AURKA: variants seen among roughly 807,000 people sequenced by gnomAD.
AURKA encodes aurora 2.
A neutral mutation model predicts 40.9 loss-of-function variants in AURKA; 12 were observed. The ratio of observed to expected loss-of-function variants is 0.29; its 90% CI spans 0.19 to 0.48. AURKA has a LOEUF of 0.48. AURKA is among the 20% of genes least tolerant of loss of function. The pLI, the probability that AURKA is intolerant of heterozygous loss-of-function variation, is 0.99. For missense variants in AURKA, 322 were observed against 462.1 expected (o/e 0.70, Z 2.78); for synonymous variants, 170 against 164.3 (o/e 1.03, Z -0.26).
chr20:56,386,262 G>A lies in AURKA; in HGVS notation c.314C>T (p.Ala105Val), dbSNP rs1986344818. The stretch of plus-strand genomic sequence containing the variant: ...AGTCTCAAAAGCTAGTTTACCAGGT[G>A]CCGATGGCAGGGGCTGCTTGCTCTT... ...TQKSKQPLPS[A>V]PENNPEEELA... Residue 105 changes from alanine to valine, a missense_variant, in exon 3 of 9, where the codon GCA becomes GTA. Ala to Val is a moderately conservative substitution (Grantham distance 64). Transcript: ENST00000395915. 12 of 1,614,166 alleles carry A rather than the reference G, an allele frequency of 7.4e-6. No homozygotes were observed. The highest frequency in any genetic ancestry group is 1.3e-5 in the African/African-American group (1 of 74,950).
intron 6 of AURKA, among the ~76,000 whole-genome samples, chr20:56,380,096 C>T (rs1985500328): frequency 1.3e-5 from 2 of 151,704 alleles, no homozygotes; most frequent in African/African-American, 4.8e-5. Flanking sequence ...GTGGCTCATG[C>T]CTGTAATCCC....
At chr20:56,370,935 A>G (rs376695799) in intron 7 of AURKA, among the ~76,000 whole-genome samples, 14 of 152,260 alleles carry the variant, frequency 9.2e-5, no homozygotes, top group African/African-American at 3.1e-4. Flanking sequence ...TCACTACCAT[A>G]TAAAAGCTGC....
chr20:56,382,104 C>G (rs1191515962), intron 5 of AURKA, among the ~76,000 whole-genome samples: 1 of 149,928 alleles, frequency 6.7e-6, no homozygotes, highest in East Asian at 2.0e-4. Flanking sequence ...GCAGAGGTTG[C>G]AGTGAGCTGA....
intron 6 of AURKA, among the ~76,000 whole-genome samples, chr20:56,377,772 C>CGA (rs1475770559): frequency 4.0e-5 from 6 of 151,444 alleles, no homozygotes; most frequent in Non-Finnish European, 8.8e-5. Flanking sequence ...GGTGACAGAG[C>CGA]GAGACTCCGT....
chr20:56,385,205 G>A (rs764393800), intron 3 of AURKA, among the ~76,000 whole-genome samples: 1 of 152,282 alleles, frequency 6.6e-6, no homozygotes, highest in South Asian at 2.1e-4. Context: ...CTGAGTCTTA[G>A]CTTCCTCCTC....
chr20:56,383,254 T>C, intron 4 of AURKA, 78 bp from the exon 5 acceptor site: 19 of 1,460,656 alleles, frequency 1.3e-5, no homozygotes, highest in Non-Finnish European at 1.8e-5. Flanking sequence ...AGCAGACACA[T>C]TCTACAAATA....
intron 7 of AURKA, among the ~76,000 whole-genome samples, chr20:56,371,209 T>C (rs1984132876): frequency 6.6e-6 from 1 of 152,118 alleles, no homozygotes; most frequent in African/African-American, 2.4e-5. Context: ...ATGCCTGTAA[T>C]GCCAGCACTT....
intron 1 of AURKA, among the ~76,000 whole-genome samples, chr20:56,389,305 G>A (rs2180691): frequency 0.44 from 66,598 of 151,866 alleles, 17,931 homozygotes; most frequent in African/African-American, 0.75. Flanking sequence ...CTCAAAGTGC[G>A]TCTTCTGCCC....
intron 1 of AURKA, 107 bp from the exon 2 acceptor site, chr20:56,388,309 C>T (rs1986635244): frequency 6.2e-6 from 6 of 972,004 alleles, no homozygotes; most frequent in East Asian, 2.4e-5. Flanking sequence ...CTCCACAACA[C>T]ACCGGATTTT....
In AURKA at chr20:56,391,135, T is replaced by C. The variant is rs776186319; in HGVS notation, c.-6+1033A>G. Among the ~76,000 whole-genome samples the C allele has an allele frequency of 2.5e-4, 38 of 152,348 alleles. 1 individual carries two copies. Among genetic ancestry groups the C allele is most frequent in the South Asian group, 2.1e-3 (10 of 4,832 alleles). Reference sequence around the variant, plus strand: ...ATTCAGTTCAAACCAGAAGTCCTACTATTTTGAATAGAAAAGCTGTTAGGC... The same window carrying C: ...ATTCAGTTCAAACCAGAAGTCCTACCATTTTGAATAGAAAAGCTGTTAGGC... On this transcript the variant is annotated intron_variant, in intron 1 of 8. Coordinates refer to ENST00000395915, the MANE Select transcript of AURKA (RefSeq NM_198437.3).
chr20:56,385,515 G>A (rs1986244126), intron 3 of AURKA, among the ~76,000 whole-genome samples: 1 of 149,400 alleles, frequency 6.7e-6, no homozygotes, highest in African/African-American at 2.5e-5. Context: ...AGGCTAGAAT[G>A]CAATGGCACA....
At chr20:56,370,741 T>C (rs532446247) in intron 7 of AURKA, 82 bp from the exon 8 acceptor site, 17 of 1,485,598 alleles carry the variant, frequency 1.1e-5, no homozygotes, top group Admixed American at 7.4e-5. Flanking sequence ...AAGAGTCCAC[T>C]AACACTGAGG....
At chr20:56,388,230 T>G (rs1255117106) in intron 1 of AURKA, 28 bp from the exon 2 acceptor site, 1 of 1,061,844 alleles carries the variant, frequency 9.4e-7, no homozygotes, top group Non-Finnish European at 1.1e-6. Context: ...AACCTTTAAT[T>G]TGAACAAAGC....
intron 3 of AURKA, among the ~76,000 whole-genome samples, chr20:56,384,931 A>T (rs964812572): frequency 2.0e-5 from 3 of 152,160 alleles, no homozygotes; most frequent in African/African-American, 7.2e-5. Context: ...CAACATAGCA[A>T]ACTCGAACAG....
chr20:56,386,577 A>C, intron 2 of AURKA, 44 bp from the exon 3 acceptor site: 1 of 1,607,410 alleles, frequency 6.2e-7, no homozygotes, highest in East Asian at 2.2e-5. Context: ...TCATGAAAGC[A>C]AAAGATGAAT....
chr20:56,391,418 C>A (rs1023410774), intron 1 of AURKA, among the ~76,000 whole-genome samples: 3 of 152,352 alleles, frequency 2.0e-5, no homozygotes, highest in African/African-American at 7.2e-5. Flanking sequence ...ATTTTAACGT[C>A]CCCAGACGAT....
chr20:56,381,492 C>T lies in AURKA; in HGVS notation c.646G>A (p.Gly216Arg). ...VYLILEYAPL[G>R]TVYRELQKLS... ...TTCTGAAGTTCTCTATAAACTGTTCCAAGTGGTGCATATTCCAGAATTAGG... is the reference window on the plus strand; with the variant it reads ...TTCTGAAGTTCTCTATAAACTGTTCTAAGTGGTGCATATTCCAGAATTAGG... The change falls in exon 6 of 9, where the codon GGA becomes AGA. Residue 216 changes from glycine to arginine, a missense_variant. By Grantham distance (125) the Gly-to-Arg change is moderately radical (BLOSUM62 -2). Transcript: ENST00000395915. 1 of 1,613,884 alleles carries T rather than the reference C, an allele frequency of 6.2e-7. No individual in the cohort carries two copies. Among genetic ancestry groups the T allele is most frequent in the South Asian group, 1.1e-5 (1 of 91,072 alleles).
intron 6 of AURKA, among the ~76,000 whole-genome samples, chr20:56,375,898 A>C (rs1239181383): frequency 6.6e-6 from 1 of 152,264 alleles, no homozygotes; most frequent in Admixed American, 6.5e-5. Flanking sequence ...CTGACATGTC[A>C]CTACAATTAG....
chr20:56,371,624 A>G (rs764324213), intron 7 of AURKA, among the ~76,000 whole-genome samples: 26 of 151,968 alleles, frequency 1.7e-4, no homozygotes, highest in East Asian at 3.9e-4. Context: ...CACAGAGACA[A>G]TCCAACCACA....
Sources: allele counts gnomAD v4.1 joint callset (sites outside exome capture counted in the v4.1 genomes callset), GRCh38; gene constraint gnomAD v4.1.1; transcripts MANE v1.5; gene names NCBI Gene and HGNC (gene_info 2026-07-23, HGNC 2026-07-21).